The following SRRM3 variants were observed in gnomAD, a reference collection of about 807,000 sequenced individuals.
SRRM3 encodes the protein serine/arginine repetitive matrix protein 3.
Under a neutral mutation model 66.2 loss-of-function variants are expected in SRRM3, and 27 were observed. The observed-to-expected ratio is 0.41, with a 90% CI of 0.30 to 0.56. SRRM3 has a LOEUF of 0.56. Ranked by LOEUF, SRRM3 falls within the 20% of genes least tolerant of loss-of-function variation. SRRM3 has a pLI of 0.32. For synonymous variants in SRRM3, 391 were observed against 414.9 expected (o/e 0.94, Z 0.70); for missense variants, 918 against 991.9 (o/e 0.93, Z 1.00).
chr7:76,268,108 C>G (rs978814695), intron 11 of SRRM3: 1 of 151,852 alleles, frequency 6.6e-6, no homozygotes, highest in Non-Finnish European at 1.5e-5. Context: ...AGGCACCTGC[C>G]AGCGTGCCTC....
At position 76,285,837 on chromosome 7, in the gene SRRM3, C is replaced by T. The variant is rs1802654828; in HGVS notation, c.1956C>T (p.Gly652=). 1 of 1,548,694 alleles carries T rather than the reference C, an allele frequency of 6.5e-7. No homozygotes were observed. Among genetic ancestry groups the T allele is most frequent in the Non-Finnish European group, 8.7e-7 (1 of 1,145,778 alleles). ...YHSRSSSESG[G]F is the part of the protein sequence containing the mutation. Reference sequence around the variant, plus strand: ...GCCGGAGCAGCTCTGAGAGCGGGGGCTTCTGAGCCCAGACAGACTCAGCTT... The same window carrying T: ...GCCGGAGCAGCTCTGAGAGCGGGGGTTTCTGAGCCCAGACAGACTCAGCTT... The change falls in exon 15 of 15, where the codon GGC becomes GGT. Residue 652 remains glycine (G), a synonymous_variant. Transcript: ENST00000611745. The surrounding 1 kb of genome is among the most constrained non-coding windows in gnomAD (Gnocchi z 4.1).
At chr7:76,282,094 T>TGG (rs1554612008) in intron 12 of SRRM3, among the ~76,000 whole-genome samples, 2 of 142,676 alleles carry the variant, frequency 1.4e-5, no homozygotes, top group Non-Finnish European at 3.1e-5. Flanking sequence ...TCCCATGGAT[T>TGG]TCCTCCGCAC....
At chr7:76,241,814 A>G (rs1361539373) in intron 2 of SRRM3, among the ~76,000 whole-genome samples, 1 of 152,190 alleles carries the variant, frequency 6.6e-6, no homozygotes, top group Non-Finnish European at 1.5e-5. Flanking sequence ...AGTTGCTACC[A>G]TTCATTGAGC....
At chr7:76,259,697 G>A (rs971918628) in intron 3 of SRRM3, among the ~76,000 whole-genome samples, 2 of 152,206 alleles carry the variant, frequency 1.3e-5, no homozygotes, top group Non-Finnish European at 2.9e-5. Flanking sequence ...TGTACCGTGA[G>A]GTCGGGGACC....
intron 11 of SRRM3, chr7:76,269,215 G>A (rs1303383631): frequency 2.0e-5 from 3 of 152,236 alleles, no homozygotes; most frequent in Non-Finnish European, 4.4e-5. Context: ...CTCCCAGCAT[G>A]GGACTCTAGT....
chr7:76,259,847 G>T, intron 3 of SRRM3, 59 bp from the exon 4 acceptor site: 1 of 1,596,718 alleles, frequency 6.3e-7, no homozygotes, highest in South Asian at 1.1e-5. Flanking sequence ...CCTGCGCCGA[G>T]AAAAGGGGTG....
intron 1 of SRRM3, among the ~76,000 whole-genome samples, chr7:76,206,277 G>C (rs75627091): frequency 0.01 from 1,576 of 152,304 alleles, 24 homozygotes; most frequent in African/African-American, 0.033. Flanking sequence ...AACAGCTTTT[G>C]ATGAATGGAG....
intron 3 of SRRM3, among the ~76,000 whole-genome samples, chr7:76,250,352 C>T (rs1242484952): frequency 2.0e-5 from 3 of 152,194 alleles, no homozygotes; most frequent in African/African-American, 7.2e-5. Context: ...CTGCCTCAGC[C>T]TCCTGAGTAG....
chr7:76,250,859 G>A (rs145964490), intron 3 of SRRM3, among the ~76,000 whole-genome samples: 1 of 152,302 alleles, frequency 6.6e-6, no homozygotes, highest in East Asian at 1.9e-4. Flanking sequence ...AGTCTGAGAA[G>A]TGAAGGAAAA....
intron 3 of SRRM3, among the ~76,000 whole-genome samples, chr7:76,254,884 G>A (rs184083338): frequency 9.9e-5 from 15 of 152,244 alleles, no homozygotes; most frequent in Non-Finnish European, 1.8e-4. Flanking sequence ...CTCAGGAAGA[G>A]GAGCATGGAA....
intron 8 of SRRM3, among the ~76,000 whole-genome samples, chr7:76,264,161 CTT>C (rs781826102): frequency 4.0e-5 from 5 of 126,336 alleles, no homozygotes; most frequent in Non-Finnish European, 6.6e-5. Flanking sequence ...CAACCCCTGC[CTT>C]TTTTTTTTTT....
intron 1 of SRRM3, among the ~76,000 whole-genome samples, chr7:76,218,350 C>T (rs1262608669): frequency 1.3e-5 from 2 of 152,228 alleles, no homozygotes; most frequent in African/African-American, 2.4e-5. Flanking sequence ...CCATCGGTGA[C>T]AGCTCAGTCA....
At position 76,285,876 on chromosome 7, in the gene SRRM3, C is replaced by T. The variant is rs575211616; in HGVS notation, c.*33C>T. 7 of 1,529,970 alleles carry T rather than the reference C, an allele frequency of 4.6e-6. No homozygotes were observed. In the African/African-American group the frequency reaches 8.2e-5, roughly 18 times the overall value. 94.8% of individuals were successfully genotyped at this position (1,529,970 alleles called of 1,614,324 possible). A position where few individuals can be genotyped will look rare whatever the true frequency, so the allele number is the denominator to read the frequency against. On this transcript the variant is annotated 3_prime_UTR_variant, in exon 15 of 15. Transcript: ENST00000611745. This position sits in a 1 kb window ranked among gnomAD's most constrained non-coding sequence, Gnocchi z 4.1. ...CAGACTCAGCTTGGTGCCCCCCTGGCACTGGGAGAGGCGAGGGGCGGGCCC... is the reference window on the plus strand; with the variant it reads ...CAGACTCAGCTTGGTGCCCCCCTGGTACTGGGAGAGGCGAGGGGCGGGCCC...
chr7:76,277,984 C>G (rs1314853449), intron 11 of SRRM3, among the ~76,000 whole-genome samples: 1 of 152,180 alleles, frequency 6.6e-6, no homozygotes, highest in Non-Finnish European at 1.5e-5. Context: ...ACTTTGCACT[C>G]TTTGACGACC....
chr7:76,264,926 A>C (rs1269659881), intron 9 of SRRM3, 111 bp downstream of exon 9: 1 of 1,212,518 alleles, frequency 8.2e-7, no homozygotes, highest in African/African-American at 1.5e-5. Flanking sequence ...CATTTTGCCC[A>C]GATGGAAAAA....
chr7:76,239,719 A>G (rs782785434), intron 2 of SRRM3, among the ~76,000 whole-genome samples: 1 of 152,092 alleles, frequency 6.6e-6, no homozygotes, highest in Non-Finnish European at 1.5e-5. Context: ...AAAAACAAAA[A>G]CAAAAACAAA....
intron 1 of SRRM3, among the ~76,000 whole-genome samples, chr7:76,206,852 G>T (rs1800312877): frequency 6.6e-6 from 1 of 152,224 alleles, no homozygotes; most frequent in South Asian, 2.1e-4. Flanking sequence ...CACTGCAGAG[G>T]CTGCTGTGCC....
intron 2 of SRRM3, among the ~76,000 whole-genome samples, chr7:76,245,869 T>A (rs1055885276): frequency 2.6e-5 from 4 of 152,118 alleles, no homozygotes; most frequent in African/African-American, 9.7e-5. Flanking sequence ...CTAATTTTTT[T>A]ATATTTTTGG....
intron 11 of SRRM3, among the ~76,000 whole-genome samples, chr7:76,280,961 CTCT>C (rs1802482284): frequency 2.2e-5 from 3 of 136,248 alleles, no homozygotes; most frequent in African/African-American, 5.5e-5. Flanking sequence ...TCTCCTCTGT[CTCT>C]TCTTCTCACT....
Sources: gnomAD v4.1 joint callset for allele counts (sites outside exome capture counted in the v4.1 genomes callset) on GRCh38, gnomAD v4.1.1 for gene constraint, Gnocchi (gnomAD v3.1) non-coding constraint, MANE v1.5 for transcripts, NCBI Gene and HGNC (gene_info 2026-07-23, HGNC 2026-07-21) for gene names.